Variants in TMTC2 observed in about 807,000 individuals in gnomAD.
TMTC2 encodes transmembrane O-mannosyltransferase targeting cadherins 2, also known as protein O-mannosyl-transferase TMTC2.
In TMTC2, 43 loss-of-function variants were observed where a neutral mutation model predicts 82.4. The ratio of observed to expected loss-of-function variants is 0.52; its 90% CI spans 0.41 to 0.67. The LOEUF is 0.67. Among genes scored for constraint, TMTC2 ranks in the 30% least tolerant of loss-of-function variants. The pLI is 0.00. For synonymous variants in TMTC2, 408 were observed against 381.9 expected, an observed-to-expected ratio of 1.07 and a Z score of -0.80; for missense variants, 919 against 1,012.4, an observed-to-expected ratio of 0.91 and a Z score of 1.25.
At chr12:82,968,567 A>G (rs148438960) in intron 7 of TMTC2, among the ~76,000 whole-genome samples, 1 of 152,166 alleles carries the variant, frequency 6.6e-6, no homozygotes, top group African/African-American at 2.4e-5. Flanking sequence ...CAAATAAGAC[A>G]TTTTTCTTCA....
At chr12:82,819,812 A>G (rs1000088575) in intron 1 of TMTC2, among the ~76,000 whole-genome samples, 8 of 152,022 alleles carry the variant, frequency 5.3e-5, no homozygotes, top group Admixed American at 3.9e-4. Context: ...AGCCCCTCAT[A>G]GTACTTTGTA....
At chr12:82,701,191 T>A (rs1873059342) in intron 1 of TMTC2, among the ~76,000 whole-genome samples, 1 of 152,202 alleles carries the variant, frequency 6.6e-6, no homozygotes, top group Non-Finnish European at 1.5e-5. Flanking sequence ...TATTCTACAG[T>A]ATATATCTTA....
At position 82,895,773 on chromosome 12, in the gene TMTC2, T is replaced by C. The variant is rs145670141; in HGVS notation, c.655-45T>C. On this transcript the variant is annotated intron_variant, in intron 2 of 11. Coordinates refer to ENST00000321196, the MANE Select transcript of TMTC2 (RefSeq NM_152588.3). Reference sequence around the variant, plus strand: ...CTAAGTGTTAAGTGTTCCCATGCTGTACTGATAATAATCTTAATTTTTCCC... The same window carrying C: ...CTAAGTGTTAAGTGTTCCCATGCTGCACTGATAATAATCTTAATTTTTCCC... The C allele has an allele frequency of 1.7e-3, 2,607 of 1,525,520 alleles. 38 individuals carry two copies. In the African/African-American group the frequency reaches 0.033, roughly 19 times the overall value. 94.5% of individuals were successfully genotyped at this position (1,525,520 alleles called of 1,614,324 possible).
intron 11 of TMTC2, among the ~76,000 whole-genome samples, chr12:83,123,210 A>G (rs2137564009): frequency 6.6e-6 from 1 of 152,362 alleles, no homozygotes; most frequent in South Asian, 2.1e-4. Context: ...AGGATTGAGC[A>G]CACAGGATAA....
At chr12:82,733,154 G>A (rs775763428) in intron 1 of TMTC2, among the ~76,000 whole-genome samples, 45 of 152,092 alleles carry the variant, frequency 3.0e-4, no homozygotes, top group Non-Finnish European at 2.4e-4. Flanking sequence ...TTGAGTAATA[G>A]AAATGATGCA....
rs1425372100 is a variant in TMTC2, at chr12:82,977,838, GA to G, written c.1949-8085del. The stretch of plus-strand genomic sequence containing the variant: ...GTACTTACATAAAATGTTGGGAGGG[GA>G]ATTTGAATAGACAACAAACTGAATA... On this transcript the variant is annotated intron_variant, in intron 7 of 11. Coordinates refer to ENST00000321196, the MANE Select transcript of TMTC2 (RefSeq NM_152588.3). 2.0e-5 allele frequency among the ~76,000 whole-genome samples: 3 copies of G among 151,902 alleles called. No homozygotes were observed. The East Asian group carries it at 5.8e-4, about 29-fold the overall frequency.
intron 1 of TMTC2, among the ~76,000 whole-genome samples, chr12:82,791,837 T>C (rs1747987773): frequency 6.6e-6 from 1 of 152,186 alleles, no homozygotes. Flanking sequence ...ACAAAGCCTG[T>C]ACTCCTTACC....
chr12:82,952,736 T>C (rs944863681), intron 4 of TMTC2, among the ~76,000 whole-genome samples: 2 of 151,916 alleles, frequency 1.3e-5, no homozygotes, highest in African/African-American at 4.8e-5. Context: ...TGTTTTTTTG[T>C]TTGTTTGTTT....
intron 4 of TMTC2, 130 bp downstream of exon 4, chr12:82,930,675 C>T: frequency 1.9e-6 from 1 of 529,976 alleles, no homozygotes. Flanking sequence ...TTAATCATGC[C>T]TCTGAGACTA....
chr12:83,107,318 A>C (rs11115591), intron 11 of TMTC2, among the ~76,000 whole-genome samples: 41,468 of 152,118 alleles, frequency 0.27, 6,721 homozygotes, highest in South Asian at 0.42. Context: ...AAGAAAAGAG[A>C]TTTATTTCTT....
intron 4 of TMTC2, among the ~76,000 whole-genome samples, chr12:82,947,689 G>A (rs1417529444): frequency 6.6e-6 from 1 of 152,038 alleles, no homozygotes; most frequent in African/African-American, 2.4e-5. Flanking sequence ...AAGCAAGTTG[G>A]CCATTTCTTA....
chr12:83,033,569 G>A (rs541384032), intron 9 of TMTC2, among the ~76,000 whole-genome samples: 1 of 152,138 alleles, frequency 6.6e-6, no homozygotes, highest in African/African-American at 2.4e-5. Flanking sequence ...TGACCAACAT[G>A]GAGAAACCCC....
At chr12:82,965,472 A>G in intron 5 of TMTC2, 88 bp from the exon 6 acceptor site, 6 of 1,465,534 alleles carry the variant, frequency 4.1e-6, no homozygotes, top group South Asian at 1.2e-5. Context: ...GCACTAAACC[A>G]TAGAAACCAA....
intron 11 of TMTC2, among the ~76,000 whole-genome samples, chr12:83,087,323 T>A (rs550657916): frequency 6.6e-6 from 1 of 152,322 alleles, no homozygotes; most frequent in East Asian, 1.9e-4. Flanking sequence ...CCTCCTCCAC[T>A]GAAATTTTGA....
At chr12:82,878,976 C>T (rs905104840) in intron 2 of TMTC2, among the ~76,000 whole-genome samples, 7 of 152,134 alleles carry the variant, frequency 4.6e-5, no homozygotes, top group Non-Finnish European at 8.8e-5. Context: ...GTGATTGAGT[C>T]GCTGTCTCTT....
At chr12:83,052,474 T>A (rs565899898) in intron 10 of TMTC2, among the ~76,000 whole-genome samples, 1 of 152,242 alleles carries the variant, frequency 6.6e-6, no homozygotes, top group East Asian at 1.9e-4. Context: ...AGATAATTTT[T>A]AAAAGACACC....
At chr12:82,796,059 C>A (rs1009043895) in intron 1 of TMTC2, among the ~76,000 whole-genome samples, 4 of 152,134 alleles carry the variant, frequency 2.6e-5, no homozygotes. Context: ...ACAGGGCCAG[C>A]CACATAGATG....
intron 1 of TMTC2, among the ~76,000 whole-genome samples, chr12:82,776,011 T>C (rs1877572215): frequency 6.6e-6 from 1 of 152,094 alleles, no homozygotes; most frequent in Non-Finnish European, 1.5e-5. Context: ...GGGTTGCCTG[T>C]GTGTGCACCC....
intron 1 of TMTC2, among the ~76,000 whole-genome samples, chr12:82,756,894 T>C (rs978256605): frequency 3.2e-4 from 48 of 152,294 alleles, no homozygotes; most frequent in Admixed American, 2.7e-3. Flanking sequence ...TTTCTTCCTG[T>C]GAAGAGAATT....
Sources: gnomAD v4.1 joint callset for allele counts (sites outside exome capture counted in the v4.1 genomes callset) on GRCh38, gnomAD v4.1.1 for gene constraint, MANE v1.5 for transcripts, NCBI Gene and HGNC (gene_info 2026-07-23, HGNC 2026-07-21) for gene names.